CCNY: variants seen among roughly 807,000 people sequenced by gnomAD.
CCNY encodes the protein cyclin Y.
Under a neutral mutation model 42.8 loss-of-function variants are expected in CCNY, and 19 were observed. The ratio of observed to expected loss-of-function variants is 0.44; its 90% CI spans 0.31 to 0.65. CCNY has a LOEUF of 0.65. CCNY is among the 30% of genes least tolerant of loss of function. The pLI is 0.07. For missense variants in CCNY, 370 were observed against 437.3 expected (o/e 0.85, Z 1.37); for synonymous variants, 165 against 162.7 (o/e 1.01, Z -0.11).
chr10:35,432,655 A>G (rs897654882), intron 1 of CCNY, among the ~76,000 whole-genome samples: 1 of 152,222 alleles, frequency 6.6e-6, no homozygotes, highest in Admixed American at 6.5e-5. Context: ...CTTCCACTGA[A>G]AGCTTAGGAT....
At chr10:35,519,199 G>T (rs1211124751) in intron 4 of CCNY, among the ~76,000 whole-genome samples, 1 of 151,922 alleles carries the variant, frequency 6.6e-6, no homozygotes, top group African/African-American at 2.4e-5. Flanking sequence ...ATTGAATCTG[G>T]CTGAGGCATA....
chr10:35,519,681 G>A (rs950713639), intron 4 of CCNY, among the ~76,000 whole-genome samples: 1 of 151,518 alleles, frequency 6.6e-6, no homozygotes, highest in African/African-American at 2.4e-5. Flanking sequence ...GGGCTTCCCT[G>A]ATCCGAAGAC....
chr10:35,303,899 TAGATTAAA>T (rs1835570182), intron 3 of CCNY, among the ~76,000 whole-genome samples: 1 of 151,316 alleles, frequency 6.6e-6, no homozygotes. Context: ...ATTTTCCTAA[TAGATTAAA>T]AGACAAACAA....
At chr10:35,434,766 T>A (rs533666307) in intron 1 of CCNY, among the ~76,000 whole-genome samples, 1 of 152,316 alleles carries the variant, frequency 6.6e-6, no homozygotes, top group South Asian at 2.1e-4. Flanking sequence ...ATGACTGTAT[T>A]TTTTGACCCA....
chr10:35,525,205 T>G (rs1197236318), intron 4 of CCNY, among the ~76,000 whole-genome samples: 1 of 152,166 alleles, frequency 6.6e-6, no homozygotes, highest in African/African-American at 2.4e-5. Flanking sequence ...AAAAGTAGGA[T>G]GGAAACCTGA....
chr10:35,352,828 G>C (rs1351465609), intron 1 of CCNY, among the ~76,000 whole-genome samples: 1 of 152,038 alleles, frequency 6.6e-6, no homozygotes, highest in Non-Finnish European at 1.5e-5. Context: ...TGGTGAAGGG[G>C]GTGGGGCAGT....
At chr10:35,520,277 T>C (rs1840521328) in intron 4 of CCNY, among the ~76,000 whole-genome samples, 1 of 151,704 alleles carries the variant, frequency 6.6e-6, no homozygotes, top group African/African-American at 2.4e-5. Flanking sequence ...GAAGGAAGAG[T>C]AGTGAAAAAG....
chr10:35,508,748 G>A (rs1173787244), intron 3 of CCNY, among the ~76,000 whole-genome samples: 1 of 152,114 alleles, frequency 6.6e-6, no homozygotes, highest in Non-Finnish European at 1.5e-5. Context: ...TTTCAATTAA[G>A]TTTTATTGAT....
chr10:35,461,000 TG>T (rs1337653694), intron 1 of CCNY, among the ~76,000 whole-genome samples: 1 of 150,176 alleles, frequency 6.7e-6, no homozygotes, highest in African/African-American at 2.5e-5. Flanking sequence ...TGGGGAGCAG[TG>T]GGCAGGGGTG....
In CCNY at chr10:35,571,133, CAT is replaced by C. The variant is rs1841677630; in HGVS notation, c.*1965_*1966del. ...TAGCTGAATATGAATACCTCTTAAA[CAT>C]AAATTAGTTCCTCTCCAGTGAAGTA... On this transcript the variant is annotated 3_prime_UTR_variant, in exon 10 of 10. Coordinates refer to ENST00000374704, the MANE Select transcript of CCNY (RefSeq NM_145012.6). The C allele has an allele frequency of 6.6e-6, 1 of 152,186 alleles. No individual in the cohort carries two copies. The highest frequency in any genetic ancestry group is 2.1e-4 in the South Asian group (1 of 4,824). 9.4% of individuals were successfully genotyped at this position (152,186 alleles called of 1,614,324 possible).
chr10:35,277,022 G>A (rs1453841434), intron 3 of CCNY, among the ~76,000 whole-genome samples: 1 of 152,208 alleles, frequency 6.6e-6, no homozygotes, highest in Admixed American at 6.5e-5. Flanking sequence ...TCTGGATCCA[G>A]CACCTTGGGA....
intron 1 of CCNY, among the ~76,000 whole-genome samples, chr10:35,459,246 C>T (rs994690355): frequency 7.9e-5 from 12 of 152,180 alleles, no homozygotes; most frequent in Non-Finnish European, 7.3e-5. Context: ...CCCGGGCCAG[C>T]GCTGCTGTCT....
intron 3 of CCNY, among the ~76,000 whole-genome samples, chr10:35,297,094 G>A (rs1478667996): frequency 1.3e-5 from 2 of 151,216 alleles, no homozygotes; most frequent in African/African-American, 2.4e-5. Context: ...ATCAAAAAGC[G>A]AATCCACCGT....
intron 1 of CCNY, among the ~76,000 whole-genome samples, chr10:35,411,100 A>C (rs1837893994): frequency 6.6e-6 from 1 of 152,226 alleles, no homozygotes; most frequent in South Asian, 2.1e-4. Context: ...TCATCTGTTA[A>C]GTAATTTCAT....
chr10:35,508,669 C>G (rs1840262189), intron 3 of CCNY, among the ~76,000 whole-genome samples: 1 of 152,166 alleles, frequency 6.6e-6, no homozygotes, highest in Admixed American at 6.5e-5. Context: ...TTTCCCATTC[C>G]AGTCTATCCC....
intron 1 of CCNY, among the ~76,000 whole-genome samples, chr10:35,415,410 G>A (rs1838002322): frequency 6.6e-6 from 1 of 152,122 alleles, no homozygotes; most frequent in Admixed American, 6.5e-5. Flanking sequence ...CCTCAGGGGA[G>A]CTGGTGCCTA....
intron 3 of CCNY, among the ~76,000 whole-genome samples, chr10:35,254,240 T>A (rs1202219206): frequency 1.3e-5 from 2 of 152,200 alleles, no homozygotes; most frequent in African/African-American, 4.8e-5. Context: ...TCTGGACACA[T>A]TTCTTTGGCT....
At chr10:35,428,784 G>A (rs2135275174) in intron 1 of CCNY, among the ~76,000 whole-genome samples, 1 of 152,242 alleles carries the variant, frequency 6.6e-6, no homozygotes, top group South Asian at 2.1e-4. Context: ...GACAGGACAT[G>A]GTTTAGAGAT....
chr10:35,501,613 GA>G, intron 3 of CCNY, 78 bp downstream of exon 3: 1 of 1,255,138 alleles, frequency 8.0e-7, no homozygotes. Flanking sequence ...TGTGATGGAT[GA>G]AAATGGCTCA....
Sources: allele counts gnomAD v4.1 joint callset (sites outside exome capture counted in the v4.1 genomes callset), GRCh38; gene constraint gnomAD v4.1.1; transcripts MANE v1.5; gene names NCBI Gene and HGNC (gene_info 2026-07-23, HGNC 2026-07-21).